The following ALDH1A2 variants were observed in gnomAD, a reference collection of about 807,000 sequenced individuals.
The protein encoded by ALDH1A2 is retinal dehydrogenase 2.
Under a neutral mutation model 60.3 loss-of-function variants are expected in ALDH1A2, and 27 were observed. That is an observed-to-expected ratio of 0.45 (90% CI 0.33 to 0.62). The LOEUF (loss-of-function observed/expected upper bound fraction) is 0.62, where lower values mean the gene tolerates loss of function less well. ALDH1A2 is among the 20% of genes least tolerant of loss of function. The probability of loss-of-function intolerance (pLI) is 0.02; values close to 1 mark genes in which losing one functional copy is unlikely to be tolerated. For missense variants in ALDH1A2, 581 were observed against 643.8 expected (o/e 0.90, Z 1.06); for synonymous variants, 289 against 232.4 (o/e 1.24, Z -2.21).
chr15:58,000,000 G>T (rs138392880), intron 4 of ALDH1A2, among the ~76,000 whole-genome samples: 4,659 of 151,914 alleles, frequency 0.031, 107 homozygotes, highest in Non-Finnish European at 0.045. Flanking sequence ...TGTATTGGGG[G>T]AGCTGAACAC....
chr15:58,039,088 T>C lies in ALDH1A2; in HGVS notation c.118-24807A>G, dbSNP rs1896449605. On this transcript the variant is annotated intron_variant, in intron 1 of 12. Coordinates refer to ENST00000249750, the MANE Select transcript of ALDH1A2 (RefSeq NM_003888.4). ...CAATAAGTTTGCATTCATGGGGCTC[T>C]TATAACTCTTCCAGCACCACAGACT... Among the ~76,000 whole-genome samples the C allele has an allele frequency of 2.0e-5, 3 of 151,804 alleles. No individual in the cohort carries two copies. In the South Asian group the frequency reaches 6.2e-4, roughly 31 times the overall value.
chr15:57,963,639 G>T (rs148238767), intron 9 of ALDH1A2, among the ~76,000 whole-genome samples: 1 of 152,068 alleles, frequency 6.6e-6, no homozygotes, highest in African/African-American at 2.4e-5. Flanking sequence ...CACTGCGCCC[G>T]GCCAGAATAT....
At chr15:58,014,357 C>A in intron 1 of ALDH1A2, 76 bp from the exon 2 acceptor site, 1 of 1,069,082 alleles carries the variant, frequency 9.4e-7, no homozygotes, top group African/African-American at 1.5e-5. Flanking sequence ...TGTTACGGAA[C>A]TACTATGGTA....
intron 1 of ALDH1A2, among the ~76,000 whole-genome samples, chr15:58,030,824 G>C (rs1414066861): frequency 6.6e-6 from 1 of 151,998 alleles, no homozygotes; most frequent in African/African-American, 2.4e-5. Context: ...CAATTTACAA[G>C]GGATGTGAAG....
At chr15:58,041,684 C>G (rs929422214) in intron 1 of ALDH1A2, among the ~76,000 whole-genome samples, 1 of 151,924 alleles carries the variant, frequency 6.6e-6, no homozygotes, top group Admixed American at 6.6e-5. Context: ...ATGACCTAAT[C>G]AATTCCCAAA....
At chr15:58,062,533 A>G (rs1490800353) in intron 1 of ALDH1A2, among the ~76,000 whole-genome samples, 3 of 152,232 alleles carry the variant, frequency 2.0e-5, no homozygotes, top group Non-Finnish European at 4.4e-5. Flanking sequence ...CTAATAAAAT[A>G]GACAACTCAG....
At chr15:58,022,658 T>G (rs1566951895) in intron 1 of ALDH1A2, among the ~76,000 whole-genome samples, 1 of 152,166 alleles carries the variant, frequency 6.6e-6, no homozygotes, top group African/African-American at 2.4e-5. Context: ...AAGACTGGCC[T>G]ACCTGGCATC....
chr15:57,972,440 G>C (rs1013199982), intron 7 of ALDH1A2, among the ~76,000 whole-genome samples: 9 of 152,110 alleles, frequency 5.9e-5, no homozygotes, highest in Non-Finnish European at 5.9e-5. Context: ...TGATTGTCTT[G>C]GTCTGCTTTG....
intron 1 of ALDH1A2, among the ~76,000 whole-genome samples, chr15:58,022,436 T>TC (rs1895954107): frequency 6.6e-6 from 1 of 152,082 alleles, no homozygotes; most frequent in Non-Finnish European, 1.5e-5. Context: ...CAGAGGATCA[T>TC]CCTACTACTG....
At chr15:57,989,669 TG>T (rs1894827684) in intron 7 of ALDH1A2, among the ~76,000 whole-genome samples, 1 of 151,654 alleles carries the variant, frequency 6.6e-6, no homozygotes. Context: ...TATATGGAAA[TG>T]CATCATGTAA....
At chr15:57,995,328 A>T (rs4646606) in intron 4 of ALDH1A2, among the ~76,000 whole-genome samples, 189 bp from the exon 5 acceptor site, 1 of 151,630 alleles carries the variant, frequency 6.6e-6, no homozygotes, top group Admixed American at 6.6e-5. Context: ...TTCTGGATAT[A>T]TCTCTCAGAC....
At chr15:58,049,561 T>C (rs1333833004) in intron 1 of ALDH1A2, among the ~76,000 whole-genome samples, 1 of 152,058 alleles carries the variant, frequency 6.6e-6, no homozygotes, top group Non-Finnish European at 1.5e-5. Context: ...ATTCGTTCAC[T>C]TACTCTCTGT....
chr15:57,972,716 C>A (rs376848202), intron 7 of ALDH1A2, among the ~76,000 whole-genome samples: 1 of 152,084 alleles, frequency 6.6e-6, no homozygotes, highest in Non-Finnish European at 1.5e-5. Flanking sequence ...AGTTTAAAAC[C>A]TACACAACCA....
At chr15:58,002,263 C>A (rs8028082) in intron 4 of ALDH1A2, among the ~76,000 whole-genome samples, 133,570 of 151,918 alleles carry the variant, frequency 0.88, 60,247 homozygotes, top group East Asian at 1. Context: ...ATATTAAGAA[C>A]AGCCCTTGCT....
intron 4 of ALDH1A2, among the ~76,000 whole-genome samples, chr15:58,007,868 A>G (rs1895509835): frequency 1.3e-5 from 2 of 152,026 alleles, no homozygotes; most frequent in African/African-American, 4.8e-5. Context: ...CAAAAGACAA[A>G]TACAAATGGA....
rs759934180 is a variant in ALDH1A2, at chr15:57,955,029, C to T, written c.*168G>A. 1.3e-5 allele frequency: 10 copies of T among 758,118 alleles called. No homozygotes were observed. The highest frequency in any genetic ancestry group is 2.3e-5 in the Non-Finnish European group (10 of 426,348). 47.0% of individuals were successfully genotyped at this position (758,118 alleles called of 1,614,324 possible). A position where few individuals can be genotyped will look rare whatever the true frequency, so the allele number is the denominator to read the frequency against. ...TTACAGAGTGCCAAGAAACTGTACC[C>T]AGCTGGTTTGCTTTAGTTGTGCAGT... On this transcript the variant is annotated 3_prime_UTR_variant, in exon 13 of 13. Transcript: ENST00000249750.
chr15:58,006,012 C>A (rs992308464), intron 4 of ALDH1A2, among the ~76,000 whole-genome samples: 7 of 109,768 alleles, frequency 6.4e-5, no homozygotes, highest in Admixed American at 2.3e-4. Context: ...GCATGTATAT[C>A]CAAAGCAGGG....
At position 57,961,297 on chromosome 15, in the gene ALDH1A2, G is replaced by A. The variant is rs1249388312; in HGVS notation, c.1252-3C>T. ...ATTTCCTGAACAGGGCCAAAGATCTGCAAAAAGATAATATGACTCAACATG... is the reference window on the plus strand; with the variant it reads ...ATTTCCTGAACAGGGCCAAAGATCTACAAAAAGATAATATGACTCAACATG... On this transcript the variant is annotated splice_polypyrimidine_tract_variant and splice_region_variant and intron_variant, in intron 10 of 12. Transcript: ENST00000249750. 2 of 1,613,552 alleles carry A rather than the reference G, an allele frequency of 1.2e-6. No individual in the cohort carries two copies. Among genetic ancestry groups the A allele is most frequent in the Admixed American group, 1.7e-5 (1 of 60,024 alleles).
At chr15:58,051,962 T>G (rs1228279868) in intron 1 of ALDH1A2, among the ~76,000 whole-genome samples, 3 of 152,134 alleles carry the variant, frequency 2.0e-5, no homozygotes, top group African/African-American at 7.2e-5. Flanking sequence ...AACAAATATT[T>G]TCTGCCTACT....
Sources: allele counts gnomAD v4.1 joint callset (sites outside exome capture counted in the v4.1 genomes callset), GRCh38; gene constraint gnomAD v4.1.1; transcripts MANE v1.5; gene names NCBI Gene and HGNC (gene_info 2026-07-23, HGNC 2026-07-21).